ZFYVE26: variants seen among roughly 807,000 people sequenced by gnomAD.
The protein encoded by ZFYVE26 is zinc finger FYVE domain-containing protein 26.
A neutral mutation model predicts 276.5 loss-of-function variants in ZFYVE26; 181 were observed. The ratio of observed to expected loss-of-function variants is 0.65; its 90% CI spans 0.58 to 0.74. The LOEUF (loss-of-function observed/expected upper bound fraction) is 0.74. Among genes scored for constraint, ZFYVE26 ranks in the 30% least tolerant of loss-of-function variants. The pLI is 0.00. For synonymous variants in ZFYVE26, 1,129 were observed against 1,203.1 expected, an observed-to-expected ratio of 0.94 and a Z score of 1.27; for missense variants, 2,821 against 3,097.9, an observed-to-expected ratio of 0.91 and a Z score of 2.12.
intron 3 of ZFYVE26, 142 bp from the exon 4 acceptor site, chr14:67,809,431 T>A (rs2040251958): frequency 7.5e-6 from 5 of 663,668 alleles, no homozygotes; most frequent in African/African-American, 6.1e-5. Flanking sequence ...TTTTTTTTTT[T>A]TTTTATTTTG....
rs2038237619 is a variant in ZFYVE26, at chr14:67,729,395, T to C, written n.3104A>G. ...AAGTACTTCAGGTGTGTGAAGGCAA[T>C]GCGGTTCTCTCCACCACCTGTGTGC... is the stretch of plus-strand genomic sequence containing the variant. On this transcript the variant is annotated non_coding_transcript_exon_variant, in exon 14 of 15. Transcript: ENST00000394455. 1.3e-6 allele frequency: 2 copies of C among 1,596,370 alleles called. No individual in the cohort carries two copies. Among genetic ancestry groups the C allele is most frequent in the Non-Finnish European group, 1.7e-6 (2 of 1,179,008 alleles).
At chr14:67,737,597 G>A (rs1355786889) in intron 13 of ZFYVE26, among the ~76,000 whole-genome samples, 1 of 152,122 alleles carries the variant, frequency 6.6e-6, no homozygotes, top group Admixed American at 6.6e-5. Flanking sequence ...TTTGGGTGGG[G>A]ACACAGAACC....
At position 67,755,047 on chromosome 14, in the gene ZFYVE26, C is replaced by G. The variant is rs73276697; in HGVS notation, c.6986+4G>C. The G allele has an allele frequency of 3.3e-5, 54 of 1,613,734 alleles. No individual in the cohort carries two copies. The African/African-American group carries it at 7.2e-4, about 22-fold the overall frequency. On this transcript the variant is annotated splice_donor_region_variant and intron_variant, in intron 37 of 41. Transcript: ENST00000347230. ...CACCAATAGTCCCCTGAACCTCCAG[C>G]TACCTTGACACATCAGCTGCAGTCA...
At chr14:67,755,435 C>G (rs1006159322) in intron 36 of ZFYVE26, among the ~76,000 whole-genome samples, 185 bp from the exon 37 acceptor site, 1 of 152,176 alleles carries the variant, frequency 6.6e-6, no homozygotes, top group African/African-American at 2.4e-5. Flanking sequence ...AGTGCACTGA[C>G]TGGTGGAGCT....
rs774378332 is a variant in ZFYVE26, at chr14:67,790,607, G to C, written c.2720C>G (p.Ser907Ter). 1.2e-6 allele frequency: 2 copies of C among 1,613,986 alleles called. No individual in the cohort carries two copies. The highest frequency in any genetic ancestry group is 1.7e-6 in the Non-Finnish European group (2 of 1,179,994). ...AGCGCTGCCAATGGCCTGTAGAGTT[G>C]AGCGGCCACTGCCAGTTCTCCGAAT... ...STIRRTGSGR[S>*]TLQAIGSAAA... Residue 907 changes from serine (S) to a stop codon, truncating the protein, a stop_gained, in exon 15 of 42, where the codon TCA (serine) becomes TGA (stop). Transcript: ENST00000347230. LOFTEE classifies it high-confidence loss of function.
intron 23 of ZFYVE26, among the ~76,000 whole-genome samples, chr14:67,779,924 T>A (rs928597816): frequency 8.5e-5 from 13 of 152,258 alleles, no homozygotes; most frequent in Admixed American, 8.5e-4. Flanking sequence ...CAGGCTAGAG[T>A]GCAGTGGTGC....
intron 3 of ZFYVE26, among the ~76,000 whole-genome samples, chr14:67,810,625 T>G (rs1207841619): frequency 6.6e-6 from 1 of 152,162 alleles, no homozygotes; most frequent in African/African-American, 2.4e-5. Context: ...GTCTAATATA[T>G]AGAGACAAAG....
At position 67,782,957 on chromosome 14, in the gene ZFYVE26, T is replaced by C. The variant is rs1242506109; in HGVS notation, c.4195A>G (p.Thr1399Ala). Residue 1399 changes from threonine to alanine, a missense_variant, in exon 21 of 42, where the codon ACC (threonine) becomes GCC (alanine). Transcript: ENST00000347230. ...GGAGAATGTAGGCCCAGGAGAACGG[T>C]AGAAAGACTGGCCCAACCACAGAGA... ...VNLCGWASLS[T>A]VLLGLHSPIA... The C allele has an allele frequency of 3.1e-6, 5 of 1,614,136 alleles. No homozygotes were observed. Among genetic ancestry groups the C allele is most frequent in the Non-Finnish European group, 4.2e-6 (5 of 1,180,004 alleles).
In ZFYVE26 at chr14:67,807,398, C is replaced by CT. The variant is rs1566897827; in HGVS notation, c.885dup (p.Val296SerfsTer9). 6.2e-7 allele frequency: 1 copy of CT among 1,614,026 alleles called. No individual in the cohort carries two copies. The highest frequency in any genetic ancestry group is 8.5e-7 in the Non-Finnish European group (1 of 1,179,960). On this transcript the variant is annotated frameshift_variant and splice_region_variant, in exon 5 of 42. Transcript: ENST00000347230. LOFTEE classifies it high-confidence loss of function. ...AGGAGCAGCAGCAAAGGGAACACACCTTTTCCCGAGGCTGTAGCCCTCGGT... is the reference window on the plus strand; with the variant it reads ...AGGAGCAGCAGCAAAGGGAACACACCTTTTTCCCGAGGCTGTAGCCCTCGGT...
intron 13 of ZFYVE26, among the ~76,000 whole-genome samples, chr14:67,731,217 T>C (rs1428471109): frequency 3.5e-5 from 5 of 141,732 alleles, no homozygotes; most frequent in African/African-American, 1.1e-4. Context: ...CTTTTTTTTT[T>C]TTTTTTTTTT....
Position 67,775,121 on chromosome 14 carries a change from A to C in ZFYVE26, c.5222-7T>G. The C allele has an allele frequency of 3.1e-6, 5 of 1,595,386 alleles. No homozygotes were observed. The highest frequency in any genetic ancestry group is 4.3e-6 in the Non-Finnish European group (5 of 1,167,060). The stretch of plus-strand genomic sequence containing the variant: ...TGGAGGTGAATCACAGAATCTGTAG[A>C]GAGGGAAAATGCTGACAAAATATGG... On this transcript the variant is annotated splice_polypyrimidine_tract_variant and splice_region_variant and intron_variant, in intron 26 of 41. Coordinates refer to ENST00000347230, the MANE Select transcript of ZFYVE26 (RefSeq NM_015346.4).
intron 4 of ZFYVE26, 98 bp from the exon 5 acceptor site, chr14:67,808,018 A>G (rs2040222029): frequency 7.1e-7 from 1 of 1,407,466 alleles, no homozygotes; most frequent in Non-Finnish European, 9.9e-7. Flanking sequence ...TTACTTATAT[A>G]ATAGTGGCGG....
Position 67,773,551 on chromosome 14 carries a change from GCGCACA to G in ZFYVE26, c.5321-1347_5321-1342del, listed in dbSNP as rs1179721380. On this transcript the variant is annotated intron_variant, in intron 27 of 41. Transcript: ENST00000347230. ...CCTGTCTCCAAAAAAAAAAAAAAAGGCGCACACACACACACACACACCCCAAAGCTG... is the reference window on the plus strand; with the variant it reads ...CCTGTCTCCAAAAAAAAAAAAAAAGGCACACACACACACACCCCAAAGCTG... Among the ~76,000 whole-genome samples the G allele has an allele frequency of 9.5e-5, 12 of 125,886 alleles. 1 individual carries two copies. The East Asian group carries it at 2.4e-3, about 25-fold the overall frequency. 82.6% of individuals were successfully genotyped at this position (125,886 alleles called of 152,430 possible). A position where few individuals can be genotyped will look rare whatever the true frequency, so the allele number is the denominator to read the frequency against.
At chr14:67,756,170 C>A in intron 35 of ZFYVE26, 25 bp from the exon 36 acceptor site, 1 of 1,613,382 alleles carries the variant, frequency 6.2e-7, no homozygotes, top group South Asian at 1.1e-5. Flanking sequence ...GGCGAGAAGT[C>A]AGAAGTCTTG....
intron 29 of ZFYVE26, 116 bp from the exon 30 acceptor site, chr14:67,768,664 G>T: frequency 2.0e-6 from 2 of 987,094 alleles, no homozygotes; most frequent in Non-Finnish European, 1.6e-6. Context: ...GGCTCTTTGA[G>T]GGTAGAATTG....
chr14:67,755,403 C>T (rs928973362), intron 36 of ZFYVE26, among the ~76,000 whole-genome samples, 153 bp from the exon 37 acceptor site: 3 of 152,110 alleles, frequency 2.0e-5, no homozygotes, highest in African/African-American at 4.8e-5. Context: ...GCCAGTCACC[C>T]CCAAGGTCCA....
chr14:67,814,335 A>G (rs1311350013), intron 2 of ZFYVE26, among the ~76,000 whole-genome samples: 1 of 152,176 alleles, frequency 6.6e-6, no homozygotes, highest in Non-Finnish European at 1.5e-5. Context: ...CCTGGCCAAC[A>G]TAATGAAACC....
At chr14:67,803,206 A>T (rs1476215046) in intron 9 of ZFYVE26, among the ~76,000 whole-genome samples, 1 of 152,160 alleles carries the variant, frequency 6.6e-6, no homozygotes, top group Non-Finnish European at 1.5e-5. Context: ...AAACAAATGA[A>T]CAAAAAACCA....
intron 14 of ZFYVE26, among the ~76,000 whole-genome samples, chr14:67,791,974 C>G (rs543732181): frequency 6.6e-6 from 1 of 150,820 alleles, no homozygotes; most frequent in Admixed American, 6.6e-5. Flanking sequence ...GCAGGAGAAT[C>G]GCTTGATCCC....
Sources: allele counts gnomAD v4.1 joint callset (sites outside exome capture counted in the v4.1 genomes callset), GRCh38; gene constraint gnomAD v4.1.1; transcripts MANE v1.5; gene names NCBI Gene and HGNC (gene_info 2026-07-23, HGNC 2026-07-21).